The following PTGER3 variants were observed in gnomAD, a reference collection of about 807,000 sequenced individuals.
The protein encoded by PTGER3 is prostaglandin E2 receptor EP3 subtype.
PTGER3 carries 22 observed loss-of-function variants against 34.7 expected under a neutral mutation model. That is an observed-to-expected ratio of 0.63 (90% CI 0.45 to 0.91). The LOEUF is 0.91. Ranked by LOEUF, PTGER3 falls within the 40% of genes least tolerant of loss-of-function variation. The pLI is 0.00. For missense variants in PTGER3, 468 were observed against 519.4 expected, an observed-to-expected ratio of 0.90 and a Z score of 0.96; for synonymous variants, 241 against 230.1, an observed-to-expected ratio of 1.05 and a Z score of -0.43.
intron 3 of PTGER3, among the ~76,000 whole-genome samples, chr1:70,973,232 T>C (rs1557700439): frequency 8.3e-6 from 1 of 119,910 alleles, no homozygotes; most frequent in African/African-American, 3.0e-5. Context: ...GATAGATAGA[T>C]AGATAGATAG....
chr1:70,999,674 C>A (rs916538646), intron 2 of PTGER3, among the ~76,000 whole-genome samples: 1 of 152,148 alleles, frequency 6.6e-6, no homozygotes, highest in African/African-American at 2.4e-5. Context: ...GTATCTTCTG[C>A]TTTTCAGTAA....
At chr1:71,016,802 CA>C (rs3044612) in intron 1 of PTGER3, among the ~76,000 whole-genome samples, 115 of 130,156 alleles carry the variant, frequency 8.8e-4, no homozygotes, top group African/African-American at 2.0e-3. Context: ...GACTTGGGCT[CA>C]AAAAAAAAAA....
chr1:70,998,587 A>T (rs1656189056), intron 2 of PTGER3, among the ~76,000 whole-genome samples: 1 of 152,210 alleles, frequency 6.6e-6, no homozygotes, highest in South Asian at 2.1e-4. Context: ...ATCACTTGGG[A>T]AGTAACAGCT....
intron 4 of PTGER3, among the ~76,000 whole-genome samples, chr1:70,912,916 T>A (rs1427790273): frequency 6.6e-6 from 1 of 152,014 alleles, no homozygotes; most frequent in Non-Finnish European, 1.5e-5. Flanking sequence ...TATAATAAAT[T>A]TTGGAGTCAA....
At chr1:70,901,910 C>T (rs1646848136) in intron 4 of PTGER3, among the ~76,000 whole-genome samples, 1 of 152,108 alleles carries the variant, frequency 6.6e-6, no homozygotes, top group African/African-American at 2.4e-5. Context: ...TCAAAAATAT[C>T]AGCCTAAATC....
chr1:70,992,445 G>A (rs1655561996), intron 2 of PTGER3, among the ~76,000 whole-genome samples: 1 of 152,160 alleles, frequency 6.6e-6, no homozygotes, highest in African/African-American at 2.4e-5. Flanking sequence ...TTGAGCCTAG[G>A]CTGCTGTTAT....
chr1:71,008,575 A>G, intron 2 of PTGER3: 2 of 982,364 alleles, frequency 2.0e-6, no homozygotes, highest in Non-Finnish European at 2.4e-6. Context: ...TTGGTTATTA[A>G]ATTTTGTAAA....
chr1:70,998,966 G>A (rs1656230112), intron 2 of PTGER3, among the ~76,000 whole-genome samples: 1 of 152,140 alleles, frequency 6.6e-6, no homozygotes, highest in African/African-American at 2.4e-5. Flanking sequence ...CGGATCACGA[G>A]GTCAGGAGAT....
chr1:71,008,886 C>G, intron 2 of PTGER3: 1 of 968,108 alleles, frequency 1.0e-6, no homozygotes, highest in Non-Finnish European at 1.2e-6. Context: ...TCTGTAGTCT[C>G]CCTGTGTCAT....
At chr1:70,974,752 A>T (rs900370167) in intron 2 of PTGER3, among the ~76,000 whole-genome samples, 9 of 152,208 alleles carry the variant, frequency 5.9e-5, no homozygotes, top group African/African-American at 2.2e-4. Flanking sequence ...TGGGATAAAG[A>T]ATAGAATTCC....
intron 4 of PTGER3, among the ~76,000 whole-genome samples, chr1:70,873,498 C>G (rs1572513631): frequency 6.6e-6 from 1 of 152,128 alleles, no homozygotes; most frequent in Non-Finnish European, 1.5e-5. Flanking sequence ...TCTGTGTACT[C>G]TGACATTCTT....
chr1:70,905,976 T>C (rs1402343204), intron 4 of PTGER3, among the ~76,000 whole-genome samples: 1 of 152,108 alleles, frequency 6.6e-6, no homozygotes, highest in East Asian at 1.9e-4. Context: ...GATTGAATTA[T>C]GGGGGTGGCT....
At chr1:70,973,452 A>G (rs992861299) in intron 3 of PTGER3, among the ~76,000 whole-genome samples, 1 of 152,118 alleles carries the variant, frequency 6.6e-6, no homozygotes, top group Non-Finnish European at 1.5e-5. Flanking sequence ...CCTCTGAAAA[A>G]CAGGAAAAAT....
rs141688168 is a variant in PTGER3 at position 70,953,028 on chromosome 1, T to C, written c.1136A>G (p.Gln379Arg). 3,410 of 1,607,822 alleles carry C rather than the reference T, an allele frequency of 2.1e-3. 7 individuals carry two copies. Among genetic ancestry groups the C allele is most frequent in the Non-Finnish European group, 2.4e-3 (2,851 of 1,176,324 alleles). The change falls in exon 4 of 4, where the codon CAG becomes CGG. Residue 379 changes from glutamine to arginine, a missense_variant. Physicochemically the swap from Gln to Arg is conservative, Grantham distance 43. Coordinates refer to the PTGER3 transcript ENST00000356595. ...TTGCCCACAATGTGCAGTTGCCCTC[T>C]GTATCTGAGAGTTCTGCAAACTGCA...
intron 2 of PTGER3, among the ~76,000 whole-genome samples, chr1:70,975,798 C>T (rs761018642): frequency 1.3e-5 from 2 of 152,152 alleles, no homozygotes; most frequent in Non-Finnish European, 2.9e-5. Flanking sequence ...AGTGGTCAGA[C>T]TTGGAGGAGA....
intron 4 of PTGER3, among the ~76,000 whole-genome samples, chr1:70,921,733 C>T (rs1478418399): frequency 6.6e-6 from 1 of 152,126 alleles, no homozygotes; most frequent in Admixed American, 6.6e-5. Flanking sequence ...ACCTTGTAAC[C>T]AGGTGGCAGT....
chr1:70,916,729 G>T (rs1185304168), intron 4 of PTGER3, among the ~76,000 whole-genome samples: 2 of 151,892 alleles, frequency 1.3e-5, no homozygotes, highest in African/African-American at 2.4e-5. Context: ...AACTGGGCGT[G>T]GGGGAGGAGG....
intron 4 of PTGER3, among the ~76,000 whole-genome samples, chr1:70,863,000 C>T (rs1203406696): frequency 6.6e-6 from 1 of 151,894 alleles, no homozygotes; most frequent in Admixed American, 6.6e-5. Flanking sequence ...GTCAACAGAT[C>T]GGAGACACTT....
chr1:70,969,261 T>G (rs1170332658), downstream of PTGER3, among the ~76,000 whole-genome samples: 2 of 152,138 alleles, frequency 1.3e-5, no homozygotes, highest in Non-Finnish European at 2.9e-5. Context: ...TCTCCCTGGA[T>G]GTAGACATTT....
Sources: allele counts gnomAD v4.1 joint callset (sites outside exome capture counted in the v4.1 genomes callset), GRCh38; gene constraint gnomAD v4.1.1; transcripts MANE v1.5; gene names NCBI Gene and HGNC (gene_info 2026-07-23, HGNC 2026-07-21).